The following DLEC1 variants were observed in gnomAD, a reference collection of about 807,000 sequenced individuals.
DLEC1 encodes the protein DLEC1 cilia and flagella associated protein.
In DLEC1, 146 loss-of-function variants were observed where a neutral mutation model predicts 198.1. That is an observed-to-expected ratio of 0.74 (90% CI 0.64 to 0.85). The LOEUF is 0.85. Among genes scored for constraint, DLEC1 ranks in the 40% least tolerant of loss-of-function variants. The pLI is 0.00. For synonymous variants in DLEC1, 897 were observed against 866.8 expected (o/e 1.03, Z -0.61); for missense variants, 2,233 against 2,220.0 (o/e 1.01, Z -0.12).
In DLEC1 at chr3:38,117,227, G is replaced by A; in HGVS notation, c.4325G>A (p.Gly1442Glu). 4 of 1,614,178 alleles carry A rather than the reference G, an allele frequency of 2.5e-6. No individual in the cohort carries two copies. The highest frequency in any genetic ancestry group is 3.4e-6 in the Non-Finnish European group (4 of 1,180,006). Residue 1442 changes from glycine (G) to glutamate (E), a missense_variant, in exon 31 of 37, where the codon GGG becomes GAG. Transcript: ENST00000308059. ...CAGTAGGTGGAAAGGGAGATTCCAG[G>A]GAAGAGGCATCGCCTGCAGGACTTT... is the stretch of plus-strand genomic sequence containing the variant. ...LDSKVEREIP[G>E]KRHRLQDFAV...
intron 6 of DLEC1, among the ~76,000 whole-genome samples, chr3:38,065,091 C>G (rs900413351): frequency 6.6e-6 from 1 of 152,218 alleles, no homozygotes; most frequent in East Asian, 1.9e-4. Context: ...AATCCCGGCA[C>G]CTCGGGAGGC....
chr3:38,112,160 A>T lies in DLEC1; in HGVS notation c.3515-50A>T. On this transcript the variant is annotated intron_variant, in intron 24 of 36. Coordinates refer to ENST00000308059, the MANE Select transcript of DLEC1 (RefSeq NM_007335.4). This position sits in a 1 kb window ranked among gnomAD's most constrained non-coding sequence, Gnocchi z 4.8. ...GCTCACACACGAGGGTTTGGACCTC[A>T]CTCCCAACCCCAGGCCCGTGAATCC... is the stretch of plus-strand genomic sequence containing the variant. 1 of 1,610,912 alleles carries T rather than the reference A, an allele frequency of 6.2e-7. No individual in the cohort carries two copies. The highest frequency in any genetic ancestry group is 8.5e-7 in the Non-Finnish European group (1 of 1,178,076).
Position 38,109,353 on chromosome 3 carries a change from C to A in DLEC1, c.3130-79C>A, listed in dbSNP as rs9866913. 1.5e-3 allele frequency: 2,302 copies of A among 1,574,994 alleles called. 31 individuals are homozygous for A. The African/African-American group carries it at 0.026, about 18-fold the overall frequency. ...AGAGGTCAAGGCTCCACAGCAATCC[C>A]CTGTGCTGCGGAAGACCATCTGGGC... On this transcript the variant is annotated intron_variant, in intron 21 of 36. Coordinates refer to ENST00000308059, the MANE Select transcript of DLEC1 (RefSeq NM_007335.4).
intron 6 of DLEC1, among the ~76,000 whole-genome samples, chr3:38,067,233 A>G (rs79849369): frequency 1.3e-5 from 2 of 152,222 alleles, no homozygotes. Context: ...AAACAGTTCA[A>G]ATTTTCAGTC....
intron 6 of DLEC1, among the ~76,000 whole-genome samples, chr3:38,082,461 C>T (rs73062830): frequency 2.0e-5 from 3 of 151,618 alleles, no homozygotes; most frequent in Non-Finnish European, 2.9e-5. Flanking sequence ...TCCTTGCCCT[C>T]GGGCCCCGCG....
At chr3:38,107,939 T>C (rs1181539244) in intron 20 of DLEC1, among the ~76,000 whole-genome samples, 2 of 152,236 alleles carry the variant, frequency 1.3e-5, no homozygotes, top group African/African-American at 4.8e-5. Context: ...GCCCTGCCTC[T>C]AGGGAATTCC....
chr3:38,085,572 G>T (rs950011370), intron 8 of DLEC1, 125 bp downstream of exon 8: 27 of 1,128,140 alleles, frequency 2.4e-5, no homozygotes, highest in Middle Eastern at 3.0e-4. Flanking sequence ...GGGGCCGTGG[G>T]TCCTGCAGAG....
rs1378605780 is a variant in DLEC1, at chr3:38,119,880, C to G, written c.4705-568C>G. Among the ~76,000 whole-genome samples the G allele has an allele frequency of 3.3e-5, 5 of 152,322 alleles. No homozygotes were observed. In the East Asian group the frequency reaches 9.6e-4, roughly 29 times the overall value. On this transcript the variant is annotated intron_variant, in intron 33 of 36. Transcript: ENST00000308059. ...TTGTTAAGGCAGCAGCTCCCAGACC[C>G]CACCTCCAGACATGTGAAGGTCTGG... is the stretch of plus-strand genomic sequence containing the variant.
chr3:38,059,067 A>G (rs1257494150), intron 2 of DLEC1, among the ~76,000 whole-genome samples: 1 of 152,152 alleles, frequency 6.6e-6, no homozygotes, highest in Non-Finnish European at 1.5e-5. Context: ...GACGTTAATT[A>G]TCACCTTTCC....
intron 10 of DLEC1, among the ~76,000 whole-genome samples, chr3:38,089,016 A>T (rs1698609045): frequency 6.7e-6 from 1 of 149,626 alleles, no homozygotes; most frequent in Admixed American, 6.6e-5. Flanking sequence ...ACTCTCCCCG[A>T]CTCCTGGTCT....
At chr3:38,093,840 C>T in intron 12 of DLEC1, 73 bp downstream of exon 12, 1 of 1,573,118 alleles carries the variant, frequency 6.4e-7, no homozygotes, top group African/African-American at 1.4e-5. Flanking sequence ...CCCAGTGAGA[C>T]AGGAGGTCCT....
chr3:38,095,814 C>T (rs1698984729), intron 13 of DLEC1, 74 bp from the exon 14 acceptor site: 9 of 1,584,094 alleles, frequency 5.7e-6, no homozygotes, highest in African/African-American at 1.3e-5. Flanking sequence ...AGAATTCCTG[C>T]CATGCCCCAG....
chr3:38,116,884 C>G lies in DLEC1; in HGVS notation c.4174C>G (p.Gln1392Glu), dbSNP rs1700199284. Residue 1392 changes from glutamine to glutamate, a missense_variant, in exon 29 of 37, where the codon CAG becomes GAG. Gln to Glu is a conservative substitution (Grantham distance 29, BLOSUM62 2). Transcript: ENST00000308059. Reference sequence around the variant, plus strand: ...CCACCTGTACTGTATCAGCCCCAAGCAGGTGGTGAGTTGGGGTATGGGCTG... The same window carrying G: ...CCACCTGTACTGTATCAGCCCCAAGGAGGTGGTGAGTTGGGGTATGGGCTG... Reference protein sequence around the residue: ...SGHLYCISPKQVVVPAGGSST... With the variant: ...SGHLYCISPKEVVVPAGGSST... 3 of 1,613,032 alleles carry G rather than the reference C, an allele frequency of 1.9e-6. No individual in the cohort carries two copies. The highest frequency in any genetic ancestry group is 2.5e-6 in the Non-Finnish European group (3 of 1,179,464).
chr3:38,064,944 G>A (rs553830652), intron 6 of DLEC1, among the ~76,000 whole-genome samples: 4 of 152,176 alleles, frequency 2.6e-5, no homozygotes, highest in African/African-American at 4.8e-5. Context: ...GGTGGCGGCC[G>A]GGCAGAGGCT....
Position 38,116,985 on chromosome 3 carries a change from C to A in DLEC1, c.4190C>A (p.Ala1397Asp). The A allele has an allele frequency of 6.2e-7, 1 of 1,613,848 alleles. No individual in the cohort carries two copies. Among genetic ancestry groups the A allele is most frequent in the Non-Finnish European group, 8.5e-7 (1 of 1,179,948 alleles). ...CTGTGTCTATGCCAGGTGGTCCCTGCTGGGGGCAGCAGTACCATCTACATC... is the reference window on the plus strand; with the variant it reads ...CTGTGTCTATGCCAGGTGGTCCCTGATGGGGGCAGCAGTACCATCTACATC... The part of the protein sequence containing the change: ...CISPKQVVVP[A>D]GGSSTIYISF... The change falls in exon 30 of 37, where the codon GCT becomes GAT. Residue 1397 changes from alanine (A) to aspartate (D), a missense_variant. By Grantham distance (126) the Ala-to-Asp change is moderately radical. Transcript: ENST00000308059.
chr3:38,076,610 T>G (rs1179825932), intron 6 of DLEC1, among the ~76,000 whole-genome samples: 1 of 152,146 alleles, frequency 6.6e-6, no homozygotes, highest in African/African-American at 2.4e-5. Context: ...TGTGGTGGAA[T>G]GTCATCAGTT....
At chr3:38,046,200 G>A (rs936546183) in intron 2 of DLEC1, among the ~76,000 whole-genome samples, 1 of 152,170 alleles carries the variant, frequency 6.6e-6, no homozygotes, top group African/African-American at 2.4e-5. Context: ...GGCGGTTGCT[G>A]GGCAGATTTG....
rs755678398 is a variant in DLEC1 at position 38,093,666 on chromosome 3, C to A, written c.1818C>A (p.Asp606Glu). ...TTTCTGGTGAAAAAAGCCAGCCAGA[C>A]CCTGGAGAGCTCACAGACTTAACAG... ...IYISGEKSQP[D>E]PGELTDLTAQ... Residue 606 changes from aspartate to glutamate, a missense_variant, in exon 12 of 37, where the codon GAC becomes GAA. By Grantham distance (45) the Asp-to-Glu change is conservative. Coordinates refer to ENST00000308059, the MANE Select transcript of DLEC1 (RefSeq NM_007335.4). 2 of 1,614,228 alleles carry A rather than the reference C, an allele frequency of 1.2e-6. No individual in the cohort carries two copies. Among genetic ancestry groups the A allele is most frequent in the South Asian group, 1.1e-5 (1 of 91,082 alleles).
intron 34 of DLEC1, 147 bp downstream of exon 34, chr3:38,120,756 G>C (rs943605678): frequency 4.2e-5 from 49 of 1,175,678 alleles, no homozygotes; most frequent in Non-Finnish European, 5.3e-5. Context: ...CCCTAGAAGA[G>C]GCCCTGTGTG....
Sources: gnomAD v4.1 joint callset for allele counts (sites outside exome capture counted in the v4.1 genomes callset) on GRCh38, gnomAD v4.1.1 for gene constraint, Gnocchi (gnomAD v3.1) non-coding constraint, MANE v1.5 for transcripts, NCBI Gene and HGNC (gene_info 2026-07-23, HGNC 2026-07-21) for gene names.